RTN4RL1: variants seen among roughly 807,000 people sequenced by gnomAD.
RTN4RL1 encodes the protein reticulon 4 receptor like 1.
RTN4RL1 carries 7 observed loss-of-function variants against 25.6 expected under a neutral mutation model. That is an observed-to-expected ratio of 0.27 (90% CI 0.16 to 0.51). The LOEUF (loss-of-function observed/expected upper bound fraction) is 0.51, where lower values mean the gene tolerates loss of function less well. Among genes scored for constraint, RTN4RL1 ranks in the 20% least tolerant of loss-of-function variants. The pLI is 0.97. For synonymous variants in RTN4RL1, 297 were observed against 288.2 expected (o/e 1.03, Z -0.31); for missense variants, 500 against 615.6 (o/e 0.81, Z 1.99).
intron 1 of RTN4RL1, among the ~76,000 whole-genome samples, chr17:1,959,174 C>T (rs921413149): frequency 1.3e-5 from 2 of 152,250 alleles, no homozygotes; most frequent in Admixed American, 6.5e-5. Context: ...GACCCTTATA[C>T]TCTGGGCAGT....
intron 1 of RTN4RL1, among the ~76,000 whole-genome samples, chr17:1,978,638 G>GC (rs1004046279): frequency 1.3e-5 from 2 of 152,254 alleles, no homozygotes; most frequent in South Asian, 2.1e-4. Context: ...GAAAATGGGG[G>GC]GGGTGGAGGG....
At chr17:1,988,140 C>T (rs1202228630) in intron 1 of RTN4RL1, among the ~76,000 whole-genome samples, 5 of 144,390 alleles carry the variant, frequency 3.5e-5, no homozygotes, top group East Asian at 2.1e-4. Context: ...AGAAGGAGGC[C>T]GGGCATGGTG....
rs202235318 is a variant in RTN4RL1 at position 1,937,055 on chromosome 17, G to A, written c.767C>T (p.Pro256Leu). The A allele has an allele frequency of 1.2e-6, 2 of 1,605,572 alleles. No homozygotes were observed. The highest frequency in any genetic ancestry group is 1.7e-6 in the Non-Finnish European group (2 of 1,177,784). The change falls in exon 2 of 2, where the codon CCC (proline) becomes CTC (leucine). Residue 256 changes from proline to leucine, a missense_variant. Pro to Leu is a moderately conservative substitution (Grantham distance 98, BLOSUM62 -3). Coordinates refer to ENST00000331238, the MANE Select transcript of RTN4RL1 (RefSeq NM_178568.4). ...ALEFLRLNGN[P>L]WDCGCRARSL... is the part of the protein sequence containing the mutation. ...GCGCGCGCGACAACCACAGTCCCAG[G>A]GGTTGCCGTTGAGGCGGAGGAACTC...
intron 1 of RTN4RL1, among the ~76,000 whole-genome samples, chr17:1,951,520 C>G (rs1317027759): frequency 6.6e-6 from 1 of 151,742 alleles, no homozygotes. Context: ...GGTGCGATCT[C>G]GGCTCACTGC....
intron 1 of RTN4RL1, among the ~76,000 whole-genome samples, chr17:1,973,208 CA>C (rs1681928542): frequency 6.6e-6 from 1 of 151,746 alleles, no homozygotes; most frequent in Middle Eastern, 3.4e-3. Context: ...ACTAAAAATA[CA>C]AAAAAATTAG....
chr17:1,936,409 A>T lies in RTN4RL1; in HGVS notation c.*87T>A. Reference sequence around the variant, plus strand: ...TACCAGCCTTTTCCTGAAACCCAGCAGATCTTCCACTTGTTAAAAAAAGAA... The same window carrying T: ...TACCAGCCTTTTCCTGAAACCCAGCTGATCTTCCACTTGTTAAAAAAAGAA... On this transcript the variant is annotated 3_prime_UTR_variant, in exon 2 of 2. Coordinates refer to ENST00000331238, the MANE Select transcript of RTN4RL1 (RefSeq NM_178568.4). 2 of 1,457,560 alleles carry T rather than the reference A, an allele frequency of 1.4e-6. No homozygotes were observed. The highest frequency in any genetic ancestry group is 2.8e-5 in the South Asian group (2 of 70,356). The allele number at this position is 1,457,560 out of a possible 1,614,324, so 90.3% of individuals were successfully genotyped here.
At chr17:1,975,279 C>A (rs992183145) in intron 1 of RTN4RL1, among the ~76,000 whole-genome samples, 1 of 152,314 alleles carries the variant, frequency 6.6e-6, no homozygotes, top group East Asian at 1.9e-4. Flanking sequence ...TCCACCCTGA[C>A]TGGCTTCTTC....
At chr17:1,981,157 G>A (rs2066865700) in intron 1 of RTN4RL1, among the ~76,000 whole-genome samples, 1 of 152,004 alleles carries the variant, frequency 6.6e-6, no homozygotes, top group African/African-American at 2.4e-5. Flanking sequence ...GCTGAGGAGG[G>A]AGGATCACTT....
At chr17:1,985,474 T>C (rs1368965960) in intron 1 of RTN4RL1, among the ~76,000 whole-genome samples, 1 of 152,212 alleles carries the variant, frequency 6.6e-6, no homozygotes, top group Non-Finnish European at 1.5e-5. Context: ...CTGGGTCCAC[T>C]GCTTCACTGG....
chr17:1,961,975 AAAAG>A (rs1567510441), intron 1 of RTN4RL1, among the ~76,000 whole-genome samples: 1 of 129,418 alleles, frequency 7.7e-6, no homozygotes, highest in Non-Finnish European at 1.8e-5. Context: ...GAAAAGAAAG[AAAAG>A]AAAGAAAGAA....
At chr17:1,952,575 C>T (rs1915707175) in intron 1 of RTN4RL1, among the ~76,000 whole-genome samples, 1 of 151,022 alleles carries the variant, frequency 6.6e-6, no homozygotes, top group Non-Finnish European at 1.5e-5. Context: ...GAACTCCTGA[C>T]CTCGTGATCC....
chr17:1,960,527 TG>T (rs1174834321), intron 1 of RTN4RL1, among the ~76,000 whole-genome samples: 2 of 152,194 alleles, frequency 1.3e-5, no homozygotes, highest in African/African-American at 4.8e-5. Flanking sequence ...ATTCTTGCCT[TG>T]GAGGCTTTGT....
chr17:2,002,205 CTTCT>C (rs778991965), intron 1 of RTN4RL1, among the ~76,000 whole-genome samples: 7 of 151,898 alleles, frequency 4.6e-5, no homozygotes, highest in South Asian at 2.1e-4. Flanking sequence ...TCCTTCCTTC[CTTCT>C]TTCTCTTTCT....
At chr17:1,953,122 T>G (rs1418240562) in intron 1 of RTN4RL1, among the ~76,000 whole-genome samples, 1 of 151,614 alleles carries the variant, frequency 6.6e-6, no homozygotes. Context: ...AAAATAAAAA[T>G]TAAGGCGAGA....
chr17:1,936,711 C>T lies in RTN4RL1; in HGVS notation c.1111G>A (p.Gly371Arg), dbSNP rs369151936. ...NRNQISKAGAGKQAPELPDYA... is the reference protein window; with the variant it reads ...NRNQISKAGARKQAPELPDYA... ...TCTGGCAGCTCGGGGGCCTGTTTCC[C>T]GGCGCCCGCCTTAGAGATCTGATTG... Residue 371 changes from glycine (G) to arginine (R), a missense_variant, in exon 2 of 2, where the codon GGG becomes AGG. This residue lies in a region of RTN4RL1 where 268 missense variants were observed against 274.5 expected (regional missense o/e 0.98). Coordinates refer to ENST00000331238, the MANE Select transcript of RTN4RL1 (RefSeq NM_178568.4). 2.0e-5 allele frequency: 32 copies of T among 1,582,544 alleles called. No individual in the cohort carries two copies. The highest frequency in any genetic ancestry group is 4.1e-5 in the African/African-American group (3 of 73,642).
At chr17:1,960,462 C>G (rs1915872615) in intron 1 of RTN4RL1, among the ~76,000 whole-genome samples, 1 of 152,362 alleles carries the variant, frequency 6.6e-6, no homozygotes, top group East Asian at 1.9e-4. Flanking sequence ...CCGTCCTGCG[C>G]CACTCTTCAC....
At chr17:2,015,731 T>A (rs2067112586) in intron 1 of RTN4RL1, among the ~76,000 whole-genome samples, 1 of 151,986 alleles carries the variant, frequency 6.6e-6, no homozygotes. Flanking sequence ...ATAAGGAGTC[T>A]CCAAGTGTGG....
Position 1,953,416 on chromosome 17 carries a change from G to A in RTN4RL1, c.14-15608C>T, listed in dbSNP as rs975539920. 2.0e-5 allele frequency among the ~76,000 whole-genome samples: 3 copies of A among 151,986 alleles called. No individual in the cohort carries two copies. The East Asian group carries it at 5.8e-4, about 29-fold the overall frequency. On this transcript the variant is annotated intron_variant, in intron 1 of 1. Transcript: ENST00000331238. ...AGATCCCGTCTCAAAAATTAAAATT[G>A]GGGGGAGGGATAGCATTAGGAGATA...
In RTN4RL1 at chr17:1,936,108, C is replaced by G; in HGVS notation, c.*388G>C. The G allele has an allele frequency of 9.7e-7, 1 of 1,028,218 alleles. No individual in the cohort carries two copies. The highest frequency in any genetic ancestry group is 1.2e-6 in the Non-Finnish European group (1 of 857,480). 63.7% of individuals were successfully genotyped at this position (1,028,218 alleles called of 1,614,324 possible). On this transcript the variant is annotated 3_prime_UTR_variant, in exon 2 of 2. Coordinates refer to ENST00000331238, the MANE Select transcript of RTN4RL1 (RefSeq NM_178568.4). ...GTTCTTCTCTGCGTCCTGCTTTCTCCAGGAACCACGGGGCCCTCCAGACCT... is the reference window on the plus strand; with the variant it reads ...GTTCTTCTCTGCGTCCTGCTTTCTCGAGGAACCACGGGGCCCTCCAGACCT...
Sources: gnomAD v4.1 joint callset for allele counts (sites outside exome capture counted in the v4.1 genomes callset) on GRCh38, gnomAD v4.1.1 for gene constraint, gnomAD v4.1.1 regional missense constraint, MANE v1.5 for transcripts, NCBI Gene and HGNC (gene_info 2026-07-23, HGNC 2026-07-21) for gene names.